The following PCMTD2 variants were observed in gnomAD, a reference collection of about 807,000 sequenced individuals.
PCMTD2 encodes protein-L-isoaspartate (D-aspartate) O-methyltransferase domain containing 2, also known as protein-L-isoaspartate O-methyltransferase domain-containing protein 2.
PCMTD2 carries 16 observed loss-of-function variants against 33.4 expected under a neutral mutation model. The observed-to-expected ratio is 0.48, with a 90% CI of 0.32 to 0.73. The LOEUF (loss-of-function observed/expected upper bound fraction) is 0.73, where lower values mean the gene tolerates loss of function less well. Among genes scored for constraint, PCMTD2 ranks in the 30% least tolerant of loss-of-function variants. PCMTD2 has a pLI of 0.03. For missense variants in PCMTD2, 374 were observed against 449.9 expected (o/e 0.83, Z 1.53); for synonymous variants, 161 against 160.8 (o/e 1.00, Z -0.01).
chr20:64,259,782 C>T, intron 1 of PCMTD2, 160 bp from the exon 2 acceptor site: 2 of 541,460 alleles, frequency 3.7e-6, no homozygotes, highest in Non-Finnish European at 6.5e-6. Context: ...CCTTCTAAAT[C>T]TGGCATCTCT....
chr20:64,272,021 GAA>G, intron 5 of PCMTD2: 7 of 352,158 alleles, frequency 2.0e-5, no homozygotes, highest in South Asian at 1.5e-4. Context: ...GGTGTTGAGT[GAA>G]GAGAAAGGAC....
chr20:64,273,001 A>T (rs540282606), intron 5 of PCMTD2, among the ~76,000 whole-genome samples: 1 of 152,348 alleles, frequency 6.6e-6, no homozygotes, highest in East Asian at 1.9e-4. Context: ...TTTCCCTTTC[A>T]AAGTTAAGAA....
intron 4 of PCMTD2, among the ~76,000 whole-genome samples, 179 bp from the exon 5 acceptor site, chr20:64,267,708 C>T (rs544781370): frequency 1.4e-4 from 21 of 152,244 alleles, no homozygotes; most frequent in African/African-American, 4.8e-4. Flanking sequence ...AGCATCTTTG[C>T]AGGAATATTC....
At chr20:64,267,769 G>C (rs1036148570) in intron 4 of PCMTD2, 118 bp from the exon 5 acceptor site, 1 of 843,120 alleles carries the variant, frequency 1.2e-6, no homozygotes, top group African/African-American at 1.7e-5. Flanking sequence ...CGTATGTCAA[G>C]ATATTTCATT....
chr20:64,273,092 C>T, intron 5 of PCMTD2, 129 bp from the exon 6 acceptor site: 2 of 713,952 alleles, frequency 2.8e-6, no homozygotes, highest in East Asian at 2.6e-5. Context: ...TTAGCATGCT[C>T]TCATATTCTT....
chr20:64,273,151 T>G, intron 5 of PCMTD2, 70 bp from the exon 6 acceptor site: 1 of 1,309,436 alleles, frequency 7.6e-7, no homozygotes. Flanking sequence ...GCTACGGGTC[T>G]TAGGTGTGTA....
In PCMTD2 at chr20:64,273,526, C is replaced by G. The variant is rs1985997769; in HGVS notation, c.1012C>G (p.Leu338Val). The stretch of plus-strand genomic sequence containing the variant: ...AAAGCCAGACCCCCCAGTGAACTTC[C>G]TACGCCAGAAGGTCCTGAGCCTCCC... ...ETKPDPPVNF[L>V]RQKVLSLPLP... is the part of the protein sequence containing the mutation. The change falls in exon 6 of 6, where the codon CTA becomes GTA. Residue 338 changes from leucine to valine, a missense_variant. Coordinates refer to ENST00000308824, the MANE Select transcript of PCMTD2 (RefSeq NM_018257.3). 6.3e-7 allele frequency: 1 copy of G among 1,582,140 alleles called. No individual in the cohort carries two copies. Among genetic ancestry groups the G allele is most frequent in the Middle Eastern group, 1.7e-4 (1 of 5,854 alleles).
rs1011208966 is a variant in PCMTD2 at position 64,260,601 on chromosome 20, G to T, written c.307+329G>T. 6.3e-4 allele frequency among the ~76,000 whole-genome samples: 95 copies of T among 151,834 alleles called. 1 individual carries two copies. The highest frequency in any genetic ancestry group is 2.2e-4 in the Non-Finnish European group (15 of 67,998). On this transcript the variant is annotated intron_variant, in intron 2 of 5. Transcript: ENST00000308824. ...AATCTTGACCCCACTGTGATTTCTC[G>T]ATTTAATTTTATCACTCATTCTTCC...
intron 4 of PCMTD2, among the ~76,000 whole-genome samples, chr20:64,267,288 G>A (rs889569210): frequency 6.6e-6 from 1 of 152,126 alleles, no homozygotes; most frequent in Admixed American, 6.5e-5. Flanking sequence ...CGGTGCTTTC[G>A]TGGGGGTGAT....
At position 64,273,699 on chromosome 20, in the gene PCMTD2, G is replaced by A. The variant is rs1037060897; in HGVS notation, c.*99G>A. The A allele has an allele frequency of 8.7e-5, 89 of 1,020,902 alleles. No individual in the cohort carries two copies. The highest frequency in any genetic ancestry group is 2.6e-4 in the African/African-American group (16 of 62,124). The allele number at this position is 1,020,902 out of a possible 1,614,324, so 63.2% of individuals were successfully genotyped here. On this transcript the variant is annotated 3_prime_UTR_variant, in exon 6 of 6. Coordinates refer to ENST00000308824, the MANE Select transcript of PCMTD2 (RefSeq NM_018257.3). ...GAAGGGTCACCTGGAGGCAGACGTT[G>A]TGGGGAAGGGAACTGCTGGGCTCAT...
At chr20:64,258,252 A>G (rs963189570) in intron 1 of PCMTD2, among the ~76,000 whole-genome samples, 9 of 152,196 alleles carry the variant, frequency 5.9e-5, no homozygotes, top group African/African-American at 1.9e-4. Context: ...GTGGTAGGCT[A>G]GGGTGCAGCC....
rs1986056302 is a variant in PCMTD2 at position 64,274,997 on chromosome 20, G to A, written c.*1397G>A. ...AGTTTATTTTTAATCTTAATCCTCA[G>A]CTTCTTGGGAGTTGCTGGGCTTCAG... On this transcript the variant is annotated 3_prime_UTR_variant, in exon 6 of 6. Coordinates refer to ENST00000308824, the MANE Select transcript of PCMTD2 (RefSeq NM_018257.3). The A allele has an allele frequency of 6.6e-6, 1 of 151,994 alleles. No individual in the cohort carries two copies. Among genetic ancestry groups the A allele is most frequent in the Non-Finnish European group, 1.5e-5 (1 of 68,008 alleles). The allele number at this position is 151,994 out of a possible 1,614,324, so 9.4% of individuals were successfully genotyped here. A position where few individuals can be genotyped will look rare whatever the true frequency, so the allele number is the denominator to read the frequency against.
At chr20:64,262,079 C>G (rs574316080) in intron 2 of PCMTD2, among the ~76,000 whole-genome samples, 1 of 152,134 alleles carries the variant, frequency 6.6e-6, no homozygotes, top group African/African-American at 2.4e-5. Flanking sequence ...GTGGTGAAAC[C>G]CTGTCCCTAC....
At position 64,259,948 on chromosome 20, in the gene PCMTD2, C is replaced by G; in HGVS notation, c.-18C>G. On this transcript the variant is annotated 5_prime_UTR_variant, in exon 2 of 6. Coordinates refer to ENST00000308824, the MANE Select transcript of PCMTD2 (RefSeq NM_018257.3). ...TAAACATTTTTAATTATAGTATTGC[C>G]TAAGTGTAATCTTGAACATGGGCGG... The G allele has an allele frequency of 1.3e-6, 2 of 1,556,666 alleles. No homozygotes were observed. The highest frequency in any genetic ancestry group is 1.8e-6 in the Non-Finnish European group (2 of 1,130,654).
intron 1 of PCMTD2, chr20:64,259,020 GC>G (rs1432883871): frequency 2.6e-5 from 4 of 152,182 alleles, no homozygotes; most frequent in Non-Finnish European, 4.4e-5. Flanking sequence ...CACATGCTGT[GC>G]TTTTTCTTCT....
Position 64,273,623 on chromosome 20 carries a change from A to G in PCMTD2, c.*23A>G. On this transcript the variant is annotated 3_prime_UTR_variant, in exon 6 of 6. Coordinates refer to ENST00000308824, the MANE Select transcript of PCMTD2 (RefSeq NM_018257.3). The stretch of plus-strand genomic sequence containing the variant: ...TAAGTCTCCTGTTTGAAAGGGGGAA[A>G]TAGGAAGAGCAGATTGCTGAGTGTG... The G allele has an allele frequency of 6.6e-7, 1 of 1,512,648 alleles. No individual in the cohort carries two copies. Among genetic ancestry groups the G allele is most frequent in the Non-Finnish European group, 8.8e-7 (1 of 1,133,846 alleles). 93.7% of individuals were successfully genotyped at this position (1,512,648 alleles called of 1,614,324 possible).
chr20:64,256,880 A>G (rs969541526), intron 1 of PCMTD2: 2 of 152,252 alleles, frequency 1.3e-5, no homozygotes, highest in Admixed American at 1.3e-4. Context: ...TGTTAGGCCC[A>G]TTAATAGTGT....
intron 2 of PCMTD2, among the ~76,000 whole-genome samples, chr20:64,261,100 T>A (rs1985396382): frequency 6.6e-6 from 1 of 152,176 alleles, no homozygotes; most frequent in Admixed American, 6.5e-5. Context: ...TCCAAACAAA[T>A]GAGTTGTGAG....
intron 5 of PCMTD2, chr20:64,271,870 G>A (rs546944025): frequency 5.0e-6 from 1 of 200,742 alleles, no homozygotes; most frequent in Admixed American, 5.2e-5. Context: ...CTCGGAAGGA[G>A]TTGTTTCAGC....
Sources: allele counts gnomAD v4.1 joint callset (sites outside exome capture counted in the v4.1 genomes callset), GRCh38; gene constraint gnomAD v4.1.1; transcripts MANE v1.5; gene names NCBI Gene and HGNC (gene_info 2026-07-23, HGNC 2026-07-21).